TMEM223: variants seen among roughly 807,000 people sequenced by gnomAD.
TMEM223 encodes transmembrane protein 223.
TMEM223 carries 14 observed loss-of-function variants against 14.1 expected under a neutral mutation model. The observed-to-expected ratio is 0.99, with a 90% CI of 0.66 to 1.55. The LOEUF (loss-of-function observed/expected upper bound fraction) is 1.55, where lower values mean the gene tolerates loss of function less well. TMEM223 is among the 40% of genes most tolerant of loss of function. The probability of loss-of-function intolerance (pLI) is 0.00; values close to 1 mark genes in which losing one functional copy is unlikely to be tolerated. For synonymous variants in TMEM223, 145 were observed against 120.5 expected, an observed-to-expected ratio of 1.20 and a Z score of -1.33; for missense variants, 346 against 269.9, an observed-to-expected ratio of 1.28 and a Z score of -1.97.
At chr11:62,784,976 T>G (rs2084259517), downstream of TMEM223, among the ~76,000 whole-genome samples, 1 of 152,078 alleles carries the variant, frequency 6.6e-6, no homozygotes, top group Non-Finnish European at 1.5e-5. Flanking sequence ...TTTTTTATAT[T>G]TACTTTAATA....
rs200288910 is a variant in TMEM223, at chr11:62,775,884, C to T, written c.315-1219G>A. On this transcript the variant is annotated intron_variant, in intron 1 of 2. Transcript: ENST00000528367. ...CTGGAGCTGAGCGATGAGGTGGCGGCGCTGCTCGCAGAGGACGTGTGCTAT... is the reference window on the plus strand; with the variant it reads ...CTGGAGCTGAGCGATGAGGTGGCGGTGCTGCTCGCAGAGGACGTGTGCTAT... 1.5e-5 allele frequency: 24 copies of T among 1,613,848 alleles called. No individual in the cohort carries two copies. The highest frequency in any genetic ancestry group is 6.7e-5 in the East Asian group (3 of 44,890).
At chr11:62,782,429 T>A (rs2084237351) in intron 1 of TMEM223, 2 of 1,349,688 alleles carry the variant, frequency 1.5e-6, no homozygotes, top group Non-Finnish European at 1.0e-6. Flanking sequence ...TGAGAGTCTA[T>A]GAGAAGATGG....
intron 1 of TMEM223, among the ~76,000 whole-genome samples, chr11:62,776,849 A>AT (rs1367796608): frequency 6.8e-6 from 1 of 147,242 alleles, no homozygotes; most frequent in Non-Finnish European, 1.5e-5. Context: ...TCTCAAAAAA[A>AT]GAAAAAAAAA....
intron 1 of TMEM223, among the ~76,000 whole-genome samples, chr11:62,779,694 C>G (rs1433822029): frequency 6.6e-6 from 1 of 151,284 alleles, no homozygotes; most frequent in Non-Finnish European, 1.5e-5. Context: ...AAGATGGGGT[C>G]TTGCTCTGTC....
intron 1 of TMEM223, 139 bp from the exon 2 acceptor site, chr11:62,791,054 ACT>A: frequency 1.1e-6 from 1 of 888,374 alleles, no homozygotes; most frequent in East Asian, 2.7e-5. Flanking sequence ...ACTGAGTCTC[ACT>A]CTGCCGGCCA....
At chr11:62,785,118 G>C (rs565144121), downstream of TMEM223, among the ~76,000 whole-genome samples, 3 of 151,880 alleles carry the variant, frequency 2.0e-5, no homozygotes, top group Admixed American at 2.0e-4. Flanking sequence ...GATTACAAGC[G>C]TGAGGCACTG....
At chr11:62,789,033 G>T (rs1331430968), downstream of TMEM223, 1 of 1,612,316 alleles carries the variant, frequency 6.2e-7, no homozygotes, top group South Asian at 1.1e-5. Context: ...GGCTCCTTCA[G>T]TGGTAGATGT....
At chr11:62,782,766 G>T, downstream of TMEM223, 4 of 1,613,296 alleles carry the variant, frequency 2.5e-6, no homozygotes, top group Non-Finnish European at 3.4e-6. Context: ...GGCAGATCCT[G>T]TGCGGCCGCT....
chr11:62,779,264 G>A (rs924294872), intron 1 of TMEM223, among the ~76,000 whole-genome samples: 1 of 151,978 alleles, frequency 6.6e-6, no homozygotes, highest in African/African-American at 2.4e-5. Flanking sequence ...GCGCGATCTC[G>A]GCTCACTGCA....
intron 1 of TMEM223, chr11:62,775,638 C>T (rs576846757): frequency 1.1e-6 from 1 of 933,244 alleles, no homozygotes; most frequent in Non-Finnish European, 1.6e-6. Flanking sequence ...CTTTCCTCAT[C>T]TGGGTACTCA....
At chr11:62,778,966 G>A (rs1370170515) in intron 1 of TMEM223, 1 of 1,613,012 alleles carries the variant, frequency 6.2e-7, no homozygotes, top group South Asian at 1.1e-5. Flanking sequence ...TGATGAAGGT[G>A]AGCGAGTGGG....
downstream of TMEM223, chr11:62,786,445 G>T: frequency 1.3e-6 from 2 of 1,597,384 alleles, no homozygotes; most frequent in African/African-American, 2.7e-5. Flanking sequence ...AGCCAAGCAG[G>T]CTTACTTTGG....
chr11:62,783,156 G>C (rs2084242813), downstream of TMEM223, among the ~76,000 whole-genome samples: 1 of 152,200 alleles, frequency 6.6e-6, no homozygotes, highest in South Asian at 2.1e-4. Context: ...TTTAGCATCT[G>C]TAGAAATTAT....
chr11:62,785,272 AC>A (rs1361252805), downstream of TMEM223, among the ~76,000 whole-genome samples: 1 of 151,440 alleles, frequency 6.6e-6, no homozygotes, highest in Non-Finnish European at 1.5e-5. Context: ...GCTCACTGCA[AC>A]CTCTGCCTCC....
chr11:62,777,992 C>T (rs774141283), intron 1 of TMEM223: 64 of 1,613,986 alleles, frequency 4.0e-5, no homozygotes, highest in South Asian at 1.9e-4. Context: ...TGTGTGGTTA[C>T]GGATCACAGG....
chr11:62,788,419 C>T (rs189989287), downstream of TMEM223, among the ~76,000 whole-genome samples: 2 of 147,260 alleles, frequency 1.4e-5, no homozygotes, highest in Admixed American at 6.8e-5. Flanking sequence ...AAAACAAAAA[C>T]ACTGGCCGGG....
At chr11:62,787,890 C>T (rs2084307369), downstream of TMEM223, 1 of 551,984 alleles carries the variant, frequency 1.8e-6, no homozygotes. Flanking sequence ...TGAGCTTTGT[C>T]GAGAAATAAA....
intron 1 of TMEM223, chr11:62,778,596 C>CA (rs1301353053): frequency 1.6e-5 from 10 of 616,608 alleles, no homozygotes; most frequent in Non-Finnish European, 2.9e-5. Flanking sequence ...GTTTCACCCC[C>CA]AGGGTATGCT....
downstream of TMEM223, chr11:62,788,902 C>T (rs1040237109): frequency 3.2e-5 from 35 of 1,090,926 alleles, no homozygotes; most frequent in East Asian, 3.6e-4. Flanking sequence ...TAGGAATTGA[C>T]GGTGCACAAA....
Sources: allele counts gnomAD v4.1 joint callset (sites outside exome capture counted in the v4.1 genomes callset), GRCh38; gene constraint gnomAD v4.1.1; transcripts MANE v1.5; gene names NCBI Gene and HGNC (gene_info 2026-07-23, HGNC 2026-07-21).